The following SRSF3 variants were observed in gnomAD, a reference collection of about 807,000 sequenced individuals.
SRSF3 encodes the protein serine/arginine-rich splicing factor 3.
For missense variants in SRSF3, 58 were observed against 217.1 expected (o/e 0.27, Z 4.61); for synonymous variants, 87 against 73.6 (o/e 1.18, Z -0.93).
intron 1 of SRSF3, among the ~76,000 whole-genome samples, chr6:36,595,559 G>C (rs1362282761): frequency 1.3e-5 from 2 of 152,092 alleles, no homozygotes; most frequent in Admixed American, 6.6e-5. Context: ...TCTGAACTTA[G>C]CTATTTTAGA....
intron 3 of SRSF3, chr6:36,600,152 A>C (rs1303677685): frequency 9.3e-6 from 10 of 1,075,010 alleles, no homozygotes; most frequent in Non-Finnish European, 1.1e-5. Context: ...AAAATCCACA[A>C]CACCCCCTTC....
intron 2 of SRSF3, chr6:36,598,349 AAATT>A (rs1318751175): frequency 6.6e-6 from 1 of 152,326 alleles, no homozygotes; most frequent in Non-Finnish European, 1.5e-5. Context: ...GTTTAATTTG[AAATT>A]AATTGAAATT....
Position 36,603,737 on chromosome 6 carries a change from C to G in SRSF3, c.*1748C>G, listed in dbSNP as rs1399786294. On this transcript the variant is annotated 3_prime_UTR_variant, in exon 6 of 6. Transcript: ENST00000373715. Reference sequence around the variant, plus strand: ...TTAGTATTCTCACATAGCCTACAACCTGTTCCTGTTAGGAACAAGCCAAGA... The same window carrying G: ...TTAGTATTCTCACATAGCCTACAACGTGTTCCTGTTAGGAACAAGCCAAGA... The G allele has an allele frequency of 4.3e-6, 1 of 230,924 alleles. No individual in the cohort carries two copies. The highest frequency in any genetic ancestry group is 6.2e-5 in the East Asian group (1 of 16,238). The allele number at this position is 230,924 out of a possible 1,614,324, so 14.3% of individuals were successfully genotyped here.
chr6:36,604,434 T>G lies in SRSF3; in HGVS notation c.*2445T>G. ...GACCAGTCTGCCCAACATGGCAAGATTCACATTTCTATTAAAAGGAATATT... is the reference window on the plus strand; with the variant it reads ...GACCAGTCTGCCCAACATGGCAAGAGTCACATTTCTATTAAAAGGAATATT... On this transcript the variant is annotated 3_prime_UTR_variant, in exon 6 of 6. Coordinates refer to ENST00000373715, the MANE Select transcript of SRSF3 (RefSeq NM_003017.5). The G allele has an allele frequency of 5.2e-6, 1 of 192,290 alleles. No individual in the cohort carries two copies. Among genetic ancestry groups the G allele is most frequent in the Non-Finnish European group, 1.1e-5 (1 of 91,926 alleles). The allele number at this position is 192,290 out of a possible 1,614,324, so 11.9% of individuals were successfully genotyped here.
At chr6:36,594,929 A>G (rs1425068495) in intron 1 of SRSF3, among the ~76,000 whole-genome samples, 1 of 152,176 alleles carries the variant, frequency 6.6e-6, no homozygotes, top group Non-Finnish European at 1.5e-5. Context: ...TGCAGCCTGA[A>G]TCTAATCACC....
Position 36,603,076 on chromosome 6 carries a change from A to ATT in SRSF3, c.*1100_*1101dup, listed in dbSNP as rs530711656. The ATT allele has an allele frequency of 5.3e-4, 104 of 197,990 alleles. No homozygotes were observed. The highest frequency in any genetic ancestry group is 7.5e-4 in the Non-Finnish European group (74 of 98,928). The allele number at this position is 197,990 out of a possible 1,614,324, so 12.3% of individuals were successfully genotyped here. On this transcript the variant is annotated 3_prime_UTR_variant, in exon 6 of 6. Transcript: ENST00000373715. ...ATGTCACCTAAGTGATAGTTAACCCATTTTTTTTTTTTTTAGGCATAGAAG... is the reference window on the plus strand; with the variant it reads ...ATGTCACCTAAGTGATAGTTAACCCATTTTTTTTTTTTTTTTAGGCATAGAAG...
At chr6:36,596,571 T>TGGGGGG (rs1562011746) in intron 1 of SRSF3, among the ~76,000 whole-genome samples, 190 bp from the exon 2 acceptor site, 4 of 13,782 alleles carry the variant, frequency 2.9e-4, no homozygotes, top group African/African-American at 9.0e-4. Flanking sequence ...TGGGGCGGGG[T>TGGGGGG]GGCGGGGGGG....
At chr6:36,596,428 A>G (rs1778627898) in intron 1 of SRSF3, among the ~76,000 whole-genome samples, 1 of 152,012 alleles carries the variant, frequency 6.6e-6, no homozygotes, top group South Asian at 2.1e-4. Context: ...GGATTAAATG[A>G]AATAACAGGT....
In SRSF3 at chr6:36,602,638, G is replaced by T; in HGVS notation, c.*649G>T. 4.6e-6 allele frequency: 1 copy of T among 215,586 alleles called. No homozygotes were observed. Among genetic ancestry groups the T allele is most frequent in the Admixed American group, 5.8e-5 (1 of 17,204 alleles). 13.4% of individuals were successfully genotyped at this position (215,586 alleles called of 1,614,324 possible). ...TGACATTCTTTATGTGCAAATTTGT[G>T]ATTTCAAAAATGTCCTGCCAGTTTA... On this transcript the variant is annotated 3_prime_UTR_variant, in exon 6 of 6. Coordinates refer to ENST00000373715, the MANE Select transcript of SRSF3 (RefSeq NM_003017.5).
Position 36,605,485 on chromosome 6 carries a change from C to G in SRSF3, c.*3496C>G, listed in dbSNP as rs995768002. ...AGCCTGAGTGAAAGCAAAACTTCGT[C>G]TCCAAAAAAAAAAAAAAAGTTTGTT... On this transcript the variant is annotated 3_prime_UTR_variant, in exon 6 of 6. Coordinates refer to ENST00000373715, the MANE Select transcript of SRSF3 (RefSeq NM_003017.5). 1 of 143,958 alleles carries G rather than the reference C, an allele frequency of 6.9e-6. No homozygotes were observed. Among genetic ancestry groups the G allele is most frequent in the African/African-American group, 2.7e-5 (1 of 36,954 alleles). 8.9% of individuals were successfully genotyped at this position (143,958 alleles called of 1,614,324 possible).
rs555401289 is a variant in SRSF3 at position 36,598,624 on chromosome 6, C to T, written c.207-225C>T. On this transcript the variant is annotated intron_variant, in intron 2 of 5. Transcript: ENST00000373715. ...GTGTCGAACTCTTGACCTTGTGATC[C>T]GCCTGCCTCGGCCTCATAAAGTGTT... The T allele has an allele frequency of 6.4e-5, 29 of 454,690 alleles. No homozygotes were observed. The Admixed American group carries it at 7.1e-4, about 11-fold the overall frequency. The allele number at this position is 454,690 out of a possible 1,614,324, so 28.2% of individuals were successfully genotyped here. A position where few individuals can be genotyped will look rare whatever the true frequency, so the allele number is the denominator to read the frequency against.
In SRSF3 at chr6:36,604,598, C is replaced by A. The variant is rs148623197; in HGVS notation, c.*2609C>A. 5.8e-6 allele frequency: 1 copy of A among 170,946 alleles called. No homozygotes were observed. The highest frequency in any genetic ancestry group is 1.3e-5 in the Non-Finnish European group (1 of 78,690). The allele number at this position is 170,946 out of a possible 1,614,324, so 10.6% of individuals were successfully genotyped here. Reference sequence around the variant, plus strand: ...TGAGTATCTTAGAGATCCTTACAAACGTGATCCCGTCAGCGTCCATGACAC... The same window carrying A: ...TGAGTATCTTAGAGATCCTTACAAAAGTGATCCCGTCAGCGTCCATGACAC... On this transcript the variant is annotated 3_prime_UTR_variant, in exon 6 of 6. Transcript: ENST00000373715.
At position 36,602,313 on chromosome 6, in the gene SRSF3, T is replaced by A. The variant is rs532556394; in HGVS notation, c.*324T>A. 120 of 316,600 alleles carry A rather than the reference T, an allele frequency of 3.8e-4. No individual in the cohort carries two copies. The highest frequency in any genetic ancestry group is 3.1e-3 in the East Asian group (64 of 20,746). The allele number at this position is 316,600 out of a possible 1,614,324, so 19.6% of individuals were successfully genotyped here. On this transcript the variant is annotated 3_prime_UTR_variant, in exon 6 of 6. Coordinates refer to ENST00000373715, the MANE Select transcript of SRSF3 (RefSeq NM_003017.5). ...TGCCCAGCGGAAGTGTGTTTTTTTT[T>A]AAATTTAAATACAGAAACAACTGGC...
intron 2 of SRSF3, among the ~76,000 whole-genome samples, chr6:36,597,637 T>TG (rs1485895522): frequency 6.6e-6 from 1 of 151,854 alleles, no homozygotes; most frequent in Non-Finnish European, 1.5e-5. Context: ...GGAAGTATAA[T>TG]GGGAAAAAGG....
intron 1 of SRSF3, among the ~76,000 whole-genome samples, 184 bp from the exon 2 acceptor site, chr6:36,596,577 G>T (rs531026242): frequency 7.5e-6 from 1 of 133,884 alleles, no homozygotes. Flanking sequence ...GGGGTGGCGG[G>T]GGGGGGGAAA....
Position 36,601,780 on chromosome 6 carries a change from C to T in SRSF3, c.453C>T (p.Phe151=). 3 of 1,608,968 alleles carry T rather than the reference C, an allele frequency of 1.9e-6. No individual in the cohort carries two copies. Among genetic ancestry groups the T allele is most frequent in the Admixed American group, 3.3e-5 (2 of 59,954 alleles). ...GAAATCACAAGCCGTCCCGATCCTT[C>T]TCTAGGTCTCGTAGGTAAGATCTTT... ...RERNHKPSRS[F]SRSRSRSRSN... Residue 151 remains phenylalanine (F), a synonymous_variant, in exon 5 of 6, where the codon TTC becomes TTT. Transcript: ENST00000373715.
At chr6:36,600,962 C>T (rs1056881033) in intron 3 of SRSF3, 190 bp from the exon 4 acceptor site, 45 of 438,416 alleles carry the variant, frequency 1.0e-4, no homozygotes, top group Admixed American at 2.9e-4. Context: ...CTTTTTGTTT[C>T]TTAATCCTTC....
In SRSF3 at chr6:36,603,379, G is replaced by C; in HGVS notation, c.*1390G>C. On this transcript the variant is annotated 3_prime_UTR_variant, in exon 6 of 6. Coordinates refer to ENST00000373715, the MANE Select transcript of SRSF3 (RefSeq NM_003017.5). ...ATAACCTTCCTCTTAGAAAATGGCAGGTGTTGTAATTTCAAATTTTTGTGC... is the reference window on the plus strand; with the variant it reads ...ATAACCTTCCTCTTAGAAAATGGCACGTGTTGTAATTTCAAATTTTTGTGC... The C allele has an allele frequency of 4.5e-6, 1 of 224,386 alleles. No homozygotes were observed. The highest frequency in any genetic ancestry group is 8.9e-6 in the Non-Finnish European group (1 of 112,230). 13.9% of individuals were successfully genotyped at this position (224,386 alleles called of 1,614,324 possible). A position where few individuals can be genotyped will look rare whatever the true frequency, so the allele number is the denominator to read the frequency against.
At position 36,601,172 on chromosome 6, in the gene SRSF3, T is replaced by G; in HGVS notation, c.362T>G (p.Phe121Cys). 6.2e-7 allele frequency: 1 copy of G among 1,613,882 alleles called. No homozygotes were observed. Among genetic ancestry groups the G allele is most frequent in the Non-Finnish European group, 8.5e-7 (1 of 1,179,964 alleles). The change falls in exon 4 of 6, where the codon TTC (phenylalanine) becomes TGC (cysteine). Residue 121 changes from phenylalanine to cysteine, a missense_variant. Physicochemically the swap from Phe to Cys is radical, Grantham distance 205. Coordinates refer to ENST00000373715, the MANE Select transcript of SRSF3 (RefSeq NM_003017.5). ...PRRRSPRRRS[F>C]SRSRSRSLSR... Reference sequence around the variant, plus strand: ...TTTAGATCTCCAAGAAGGAGAAGCTTCTCTCGCAGCCGGAGCAGGTAAATG... The same window carrying G: ...TTTAGATCTCCAAGAAGGAGAAGCTGCTCTCGCAGCCGGAGCAGGTAAATG...
Sources: allele counts gnomAD v4.1 joint callset (sites outside exome capture counted in the v4.1 genomes callset), GRCh38; gene constraint gnomAD v4.1.1; transcripts MANE v1.5; gene names NCBI Gene and HGNC (gene_info 2026-07-23, HGNC 2026-07-21).